The following CIT variants were observed in gnomAD, a reference collection of about 807,000 sequenced individuals.
CIT encodes the protein citron Rho-interacting kinase.
A neutral mutation model predicts 272.7 loss-of-function variants in CIT; 79 were observed. The observed-to-expected ratio is 0.29, with a 90% CI of 0.24 to 0.35. The LOEUF (loss-of-function observed/expected upper bound fraction) is 0.35. Ranked by LOEUF, CIT falls within the 10% of genes least tolerant of loss-of-function variation. The probability of loss-of-function intolerance (pLI) is 1.00; values close to 1 mark genes in which losing one functional copy is unlikely to be tolerated. For missense variants in CIT, 1,909 were observed against 2,618.3 expected (o/e 0.73, Z 5.91); for synonymous variants, 948 against 995.6 (o/e 0.95, Z 0.90).
chr12:119,704,125 G>T (rs1956743871), intron 41 of CIT, among the ~76,000 whole-genome samples: 1 of 152,114 alleles, frequency 6.6e-6, no homozygotes, highest in Non-Finnish European at 1.5e-5. Context: ...GGATGGGGAG[G>T]CAGTTCGCAA....
Position 119,876,165 on chromosome 12 carries a change from A to G in CIT, c.4T>C (p.Leu2=), listed in dbSNP as rs376597170. Residue 2 remains leucine (L), a synonymous_variant, in exon 2 of 48, where the codon TTG becomes CTG. Transcript: ENST00000392521. M[L]KFKYGARNPL... ...TTCCGCGCTCCATATTTGAACTTCAACATCTCCCCACTGGCGCTGAAAGGA... is the reference window on the plus strand; with the variant it reads ...TTCCGCGCTCCATATTTGAACTTCAGCATCTCCCCACTGGCGCTGAAAGGA... 9 of 1,611,276 alleles carry G rather than the reference A, an allele frequency of 5.6e-6. No individual in the cohort carries two copies. Among genetic ancestry groups the G allele is most frequent in the Admixed American group, 3.3e-5 (2 of 59,928 alleles).
At position 119,857,578 on chromosome 12, in the gene CIT, C is replaced by T; in HGVS notation, c.359G>A (p.Gly120Glu). The T allele has an allele frequency of 3.7e-6, 6 of 1,614,162 alleles. No individual in the cohort carries two copies. Among genetic ancestry groups the T allele is most frequent in the Non-Finnish European group, 5.1e-6 (6 of 1,180,038 alleles). Reference sequence around the variant, plus strand: ...CATCACTTTCATAGCATAGATGTCCCCGGTTGCTTTCTCTCTTACCACCTG... The same window carrying T: ...CATCACTTTCATAGCATAGATGTCCTCGGTTGCTTTCTCTCTTACCACCTG... ...EVQVVREKAT[G>E]DIYAMKVMKK... The change falls in exon 4 of 48, where the codon GGG becomes GAG. Residue 120 changes from glycine (G) to glutamate (E), a missense_variant. This residue lies in a region of CIT where 529 missense variants were observed against 549.6 expected (regional missense o/e 0.96). Coordinates refer to ENST00000392521, the MANE Select transcript of CIT (RefSeq NM_001206999.2).
At chr12:119,816,194 C>A (rs1413765251) in intron 9 of CIT, among the ~76,000 whole-genome samples, 1 of 152,122 alleles carries the variant, frequency 6.6e-6, no homozygotes, top group Admixed American at 6.5e-5. Flanking sequence ...ATACTTATTC[C>A]ACCCTTAATT....
intron 5 of CIT, among the ~76,000 whole-genome samples, chr12:119,847,854 G>C (rs1386082657): frequency 6.6e-6 from 1 of 152,208 alleles, no homozygotes; most frequent in African/African-American, 2.4e-5. Context: ...TTGAGCCATT[G>C]CACTCCAGCC....
intron 7 of CIT, among the ~76,000 whole-genome samples, chr12:119,828,325 CA>C (rs1654555829): frequency 6.6e-6 from 1 of 152,138 alleles, no homozygotes; most frequent in Admixed American, 6.6e-5. Context: ...AATTAACAAA[CA>C]TTTTTAATGA....
At chr12:119,717,735 CTTTAAA>C (rs1170922280) in intron 32 of CIT, among the ~76,000 whole-genome samples, 2 of 150,512 alleles carry the variant, frequency 1.3e-5, no homozygotes, top group African/African-American at 4.9e-5. Context: ...TTCTCATATT[CTTTAAA>C]TATAATCACA....
At position 119,710,330 on chromosome 12, in the gene CIT, G is replaced by A. The variant is rs756557987; in HGVS notation, c.4992C>T (p.Ser1664=). 3 of 1,614,198 alleles carry A rather than the reference G, an allele frequency of 1.9e-6. No homozygotes were observed. Among genetic ancestry groups the A allele is most frequent in the South Asian group, 2.2e-5 (2 of 91,080 alleles). The part of the protein sequence containing the change: ...GLYALNVLKN[S]LTHVPGIGAV... ...CTCCAATTCCTGGGACATGGGTTAG[G>A]GAGTTTTTCAAGACATTCAGGGCGT... The change falls in exon 39 of 48, where the codon TCC becomes TCT. Residue 1664 remains serine, a synonymous_variant. Transcript: ENST00000392521. The surrounding 1 kb of genome is among the most constrained non-coding windows in gnomAD (Gnocchi z 5.6).
intron 9 of CIT, among the ~76,000 whole-genome samples, chr12:119,809,259 C>G (rs1566075234): frequency 6.6e-6 from 1 of 152,064 alleles, no homozygotes. Context: ...GAGACGGATA[C>G]AATCATCTCA....
At chr12:119,769,398 T>G (rs1962834290) in intron 18 of CIT, among the ~76,000 whole-genome samples, 1 of 152,242 alleles carries the variant, frequency 6.6e-6, no homozygotes, top group South Asian at 2.1e-4. Context: ...AGTCCTGTTA[T>G]GCAAATACTG....
intron 10 of CIT, among the ~76,000 whole-genome samples, chr12:119,795,701 T>G (rs935594703): frequency 6.6e-6 from 1 of 152,336 alleles, no homozygotes; most frequent in African/African-American, 2.4e-5. Context: ...AACCAGATAT[T>G]GCTCCAAGTC....
chr12:119,804,522 G>T lies in CIT; in HGVS notation c.1112-1133C>A. ...AGCAGCATGAGTCACTGCCCGCCAG[G>T]GCTCGCTAGAGCTCCCCCTAGGACA... On this transcript the variant is annotated intron_variant, in intron 9 of 47. Transcript: ENST00000392521. The surrounding 1 kb of genome is among the most constrained non-coding windows in gnomAD (Gnocchi z 5.3). The T allele has an allele frequency of 1.0e-6, 1 of 982,764 alleles. No individual in the cohort carries two copies. The highest frequency in any genetic ancestry group is 1.2e-6 in the Non-Finnish European group (1 of 827,508). The allele number at this position is 982,764 out of a possible 1,614,324, so 60.9% of individuals were successfully genotyped here. A position where few individuals can be genotyped will look rare whatever the true frequency, so the allele number is the denominator to read the frequency against.
At chr12:119,761,218 TTA>T (rs1316192917) in intron 19 of CIT, among the ~76,000 whole-genome samples, 163 bp from the exon 20 acceptor site, 1 of 152,196 alleles carries the variant, frequency 6.6e-6, no homozygotes, top group Non-Finnish European at 1.5e-5. Context: ...GGGAGTCCGC[TTA>T]TCAATCAGGA....
intron 10 of CIT, among the ~76,000 whole-genome samples, chr12:119,797,984 G>T (rs1965877403): frequency 6.6e-6 from 1 of 152,196 alleles, no homozygotes; most frequent in African/African-American, 2.4e-5. Flanking sequence ...CTGAAGATAT[G>T]GTGGAGAGTA....
In CIT at chr12:119,817,285, G is replaced by GT. The variant is rs562124215; in HGVS notation, c.1111+5534dup. 5.1e-4 allele frequency among the ~76,000 whole-genome samples: 77 copies of GT among 152,210 alleles called. 1 individual carries two copies. Among genetic ancestry groups the GT allele is most frequent in the African/African-American group, 1.8e-3 (76 of 41,524 alleles). Reference sequence around the variant, plus strand: ...CCAGCACTTTGGGAGGCTGAGGCAGGTGGATCACGAGGTCAGGAGACCGAG... The same window carrying GT: ...CCAGCACTTTGGGAGGCTGAGGCAGGTTGGATCACGAGGTCAGGAGACCGAG... On this transcript the variant is annotated intron_variant, in intron 9 of 47. Coordinates refer to ENST00000392521, the MANE Select transcript of CIT (RefSeq NM_001206999.2).
At chr12:119,838,502 G>A (rs1304655380) in intron 5 of CIT, among the ~76,000 whole-genome samples, 4 of 152,190 alleles carry the variant, frequency 2.6e-5, no homozygotes, top group African/African-American at 9.7e-5. Context: ...TTCCATGGGT[G>A]GGACCCAGGA....
chr12:119,835,834 C>T (rs956445994), intron 5 of CIT, among the ~76,000 whole-genome samples: 1 of 152,104 alleles, frequency 6.6e-6, no homozygotes, highest in Non-Finnish European at 1.5e-5. Context: ...ACCAGAGACC[C>T]CTGGAGAAGC....
intron 10 of CIT, among the ~76,000 whole-genome samples, chr12:119,789,917 T>C (rs1412015305): frequency 6.6e-6 from 1 of 151,408 alleles, no homozygotes; most frequent in Non-Finnish European, 1.5e-5. Flanking sequence ...GGTTTCACCA[T>C]GTTGGCCAGG....
chr12:119,712,151 A>G lies in CIT; in HGVS notation c.4854+27T>C. The G allele has an allele frequency of 3.2e-6, 5 of 1,547,708 alleles. No individual in the cohort carries two copies. Among genetic ancestry groups the G allele is most frequent in the South Asian group, 2.5e-5 (2 of 80,934 alleles). On this transcript the variant is annotated intron_variant, in intron 37 of 47. Transcript: ENST00000392521. The surrounding 1 kb of genome is among the most constrained non-coding windows in gnomAD (Gnocchi z 5.2). ...CAAGTCAGCCCCCTTTACAAAGACA[A>G]CCTCCAGGGCCCGCTTTCATACTCA...
Position 119,712,409 on chromosome 12 carries a change from C to A in CIT, c.4685-62G>T, listed in dbSNP as rs953761387. On this transcript the variant is annotated intron_variant, in intron 36 of 47. Transcript: ENST00000392521. This position sits in a 1 kb window ranked among gnomAD's most constrained non-coding sequence, Gnocchi z 5.2. ...TTTCCCCCGTTCCCACTGGGAGGGACGGGCCTGAGAGATCAAAGATGCCCA... is the reference window on the plus strand; with the variant it reads ...TTTCCCCCGTTCCCACTGGGAGGGAAGGGCCTGAGAGATCAAAGATGCCCA... 1.2e-5 allele frequency: 19 copies of A among 1,528,748 alleles called. No individual in the cohort carries two copies. Among genetic ancestry groups the A allele is most frequent in the Non-Finnish European group, 1.6e-5 (18 of 1,124,698 alleles). The allele number at this position is 1,528,748 out of a possible 1,614,324, so 94.7% of individuals were successfully genotyped here. A position where few individuals can be genotyped will look rare whatever the true frequency, so the allele number is the denominator to read the frequency against.
Sources: allele counts gnomAD v4.1 joint callset (sites outside exome capture counted in the v4.1 genomes callset), GRCh38; gene constraint gnomAD v4.1.1; regional missense constraint gnomAD v4.1.1; non-coding constraint Gnocchi (gnomAD v3.1); transcripts MANE v1.5; gene names NCBI Gene and HGNC (gene_info 2026-07-23, HGNC 2026-07-21).